The following WHRN variants were observed in gnomAD, a reference collection of about 807,000 sequenced individuals.
The protein encoded by WHRN is CASK-interacting protein CIP98.
In WHRN, 41 loss-of-function variants were observed where a neutral mutation model predicts 68.3. The observed-to-expected ratio is 0.60, with a 90% CI of 0.47 to 0.78. The LOEUF (loss-of-function observed/expected upper bound fraction) is 0.78, where lower values mean the gene tolerates loss of function less well. Ranked by LOEUF, WHRN falls within the 30% of genes least tolerant of loss-of-function variation. The pLI, the probability that WHRN is intolerant of heterozygous loss-of-function variation, is 0.00. For missense variants in WHRN, 1,243 were observed against 1,244.7 expected, an observed-to-expected ratio of 1.00 and a Z score of 0.02; for synonymous variants, 560 against 561.3, an observed-to-expected ratio of 1.00 and a Z score of 0.03.
At chr9:114,416,411 G>C (rs1043746467) in intron 7 of WHRN, among the ~76,000 whole-genome samples, 1 of 152,236 alleles carries the variant, frequency 6.6e-6, no homozygotes, top group Non-Finnish European at 1.5e-5. Context: ...GTAATCCCCA[G>C]TGTTGGGGGA....
chr9:114,457,491 T>G (rs565842126), intron 3 of WHRN, among the ~76,000 whole-genome samples: 3 of 152,166 alleles, frequency 2.0e-5, no homozygotes, highest in African/African-American at 7.2e-5. Flanking sequence ...AATTCTTCCT[T>G]AAGGAAGAAT....
Position 114,403,350 on chromosome 9 carries a change from T to C in WHRN, c.2419-11A>G, listed in dbSNP as rs556688630. On this transcript the variant is annotated splice_polypyrimidine_tract_variant and intron_variant, in intron 10 of 11. Transcript: ENST00000362057. ...CTCCAGAAGTCCAGGCTGTGGGTATTAGGAAGGACACCACTGAGGCCTTCG... is the reference window on the plus strand; with the variant it reads ...CTCCAGAAGTCCAGGCTGTGGGTATCAGGAAGGACACCACTGAGGCCTTCG... 1 of 1,613,718 alleles carries C rather than the reference T, an allele frequency of 6.2e-7. No individual in the cohort carries two copies. The highest frequency in any genetic ancestry group is 8.5e-7 in the Non-Finnish European group (1 of 1,179,936).
chr9:114,441,911 C>G (rs1222183241), intron 3 of WHRN, among the ~76,000 whole-genome samples: 1 of 152,134 alleles, frequency 6.6e-6, no homozygotes, highest in Non-Finnish European at 1.5e-5. Context: ...GTACAGAAAC[C>G]TGGCAGACAT....
In WHRN at chr9:114,403,083, G is replaced by A. The variant is rs41278663; in HGVS notation, c.2541+134C>T. The A allele has an allele frequency of 0.014, 21,547 of 1,540,034 alleles. 186 individuals carry two copies. Among genetic ancestry groups the A allele is most frequent in the Non-Finnish European group, 0.017 (19,103 of 1,116,242 alleles). On this transcript the variant is annotated intron_variant, in intron 11 of 11. Transcript: ENST00000362057. ...GGATTAGGAAAGCTGAGGCCCGGAAGAGCAAAGGTGACATAAGCCTAGGTC... is the reference window on the plus strand; with the variant it reads ...GGATTAGGAAAGCTGAGGCCCGGAAAAGCAAAGGTGACATAAGCCTAGGTC...
intron 2 of WHRN, 76 bp from the exon 3 acceptor site, chr9:114,466,468 C>T (rs929990571): frequency 1.9e-6 from 3 of 1,600,116 alleles, no homozygotes; most frequent in South Asian, 1.1e-5. Context: ...GCAAAGCCCC[C>T]TCTCGTACTT....
rs988270868 is a variant in WHRN at position 114,505,202 on chromosome 9, C to G, written c.-401G>C. ...GGGCGCCGCAAAGCTGACCTGACTG[C>G]CCCGTCACACCATGCCCGGGGCTCC... On this transcript the variant is annotated 5_prime_UTR_variant, in exon 1 of 12. Transcript: ENST00000362057. 5.7e-6 allele frequency: 1 copy of G among 176,034 alleles called. No individual in the cohort carries two copies. Among genetic ancestry groups the G allele is most frequent in the African/African-American group, 2.4e-5 (1 of 42,274 alleles). The allele number at this position is 176,034 out of a possible 1,614,324, so 10.9% of individuals were successfully genotyped here. A position where few individuals can be genotyped will look rare whatever the true frequency, so the allele number is the denominator to read the frequency against.
chr9:114,444,776 A>C (rs1476812334), intron 3 of WHRN, among the ~76,000 whole-genome samples: 1 of 151,660 alleles, frequency 6.6e-6, no homozygotes, highest in Non-Finnish European at 1.5e-5. Context: ...CACATGAAGG[A>C]TCTGAATGCT....
intron 1 of WHRN, 33 bp from the exon 2 acceptor site, chr9:114,478,804 G>C (rs754204772): frequency 1.9e-6 from 3 of 1,585,680 alleles, no homozygotes; most frequent in South Asian, 2.3e-5. Context: ...GTTAGAGGAA[G>C]GGAGGTGCCG....
intron 3 of WHRN, among the ~76,000 whole-genome samples, chr9:114,443,803 T>G (rs1323064369): frequency 2.0e-5 from 3 of 152,200 alleles, no homozygotes; most frequent in Non-Finnish European, 4.4e-5. Flanking sequence ...TTCACACTGC[T>G]GATAAGGACA....
chr9:114,407,312 T>C (rs1264293766), intron 8 of WHRN, among the ~76,000 whole-genome samples: 3 of 152,136 alleles, frequency 2.0e-5, no homozygotes, highest in African/African-American at 4.8e-5. Context: ...CAGGAGGAGA[T>C]GGATACATGG....
Position 114,423,410 on chromosome 9 carries a change from G to A in WHRN, c.1530C>T (p.Gly510=). 1 of 1,614,056 alleles carries A rather than the reference G, an allele frequency of 6.2e-7. No homozygotes were observed. The highest frequency in any genetic ancestry group is 8.5e-7 in the Non-Finnish European group (1 of 1,179,992). Residue 510 remains glycine (G), a synonymous_variant, in exon 7 of 12, where the codon GGC becomes GGT. Coordinates refer to ENST00000362057, the MANE Select transcript of WHRN (RefSeq NM_015404.4). ...IESMKARQPP[G]PGAGDTYSMV... is the part of the protein sequence containing the mutation. The stretch of plus-strand genomic sequence containing the variant: ...TGGAGTAGGTGTCCCCAGCCCCGGG[G>A]CCTGGGGGCTGCCGCGCCTTCATGG...
chr9:114,466,034 G>T (rs952615814), intron 3 of WHRN, among the ~76,000 whole-genome samples: 2 of 152,214 alleles, frequency 1.3e-5, no homozygotes, highest in African/African-American at 4.8e-5. Flanking sequence ...CATCAGCAGT[G>T]TTTGCAAAAC....
chr9:114,435,542 G>C (rs1837778687), intron 3 of WHRN, among the ~76,000 whole-genome samples: 1 of 152,150 alleles, frequency 6.6e-6, no homozygotes, highest in Non-Finnish European at 1.5e-5. Flanking sequence ...ATCACACTCT[G>C]GGAAATGGTG....
At chr9:114,405,922 CCCTAGA>C (rs1834992076) in intron 9 of WHRN, among the ~76,000 whole-genome samples, 1 of 152,238 alleles carries the variant, frequency 6.6e-6, no homozygotes, top group Admixed American at 6.5e-5. Flanking sequence ...TGCACCCTGA[CCCTAGA>C]CCTGCCAGGG....
intron 2 of WHRN, among the ~76,000 whole-genome samples, chr9:114,470,920 C>T (rs942535202): frequency 4.0e-5 from 6 of 151,852 alleles, no homozygotes; most frequent in Non-Finnish European, 7.4e-5. Flanking sequence ...CCCAGGAACA[C>T]GCAGATGGCA....
chr9:114,438,892 C>T (rs1039956310), intron 3 of WHRN, among the ~76,000 whole-genome samples: 1 of 152,110 alleles, frequency 6.6e-6, no homozygotes, highest in Non-Finnish European at 1.5e-5. Context: ...CAGAGGAGAA[C>T]GGTTGGATAA....
At chr9:114,410,421 C>T (rs1318655421) in intron 7 of WHRN, among the ~76,000 whole-genome samples, 2 of 152,202 alleles carry the variant, frequency 1.3e-5, no homozygotes, top group Non-Finnish European at 2.9e-5. Flanking sequence ...ATCACTCTAG[C>T]CATCATTGGA....
intron 1 of WHRN, among the ~76,000 whole-genome samples, chr9:114,493,355 TTA>T (rs1491556118): frequency 1.3e-4 from 9 of 71,878 alleles, no homozygotes; most frequent in African/African-American, 4.3e-4. Context: ...TATCTTTTTT[TTA>T]AAAAAAAAAA....
At chr9:114,432,661 A>G (rs1002487349) in intron 3 of WHRN, among the ~76,000 whole-genome samples, 2 of 152,240 alleles carry the variant, frequency 1.3e-5, no homozygotes, top group Non-Finnish European at 2.9e-5. Flanking sequence ...CCTGGTTGAC[A>G]AATGAGTTAA....
Sources: gnomAD v4.1 joint callset for allele counts (sites outside exome capture counted in the v4.1 genomes callset) on GRCh38, gnomAD v4.1.1 for gene constraint, MANE v1.5 for transcripts, NCBI Gene and HGNC (gene_info 2026-07-23, HGNC 2026-07-21) for gene names.